GTF2E2: variants seen among roughly 807,000 people sequenced by gnomAD.
GTF2E2 encodes general transcription factor IIE subunit 2.
GTF2E2 carries 21 observed loss-of-function variants against 40.5 expected under a neutral mutation model. The ratio of observed to expected loss-of-function variants is 0.52; its 90% CI spans 0.37 to 0.75. GTF2E2 has a LOEUF of 0.75. Among genes scored for constraint, GTF2E2 ranks in the 30% least tolerant of loss-of-function variants. The pLI, the probability that GTF2E2 is intolerant of heterozygous loss-of-function variation, is 0.00. For synonymous variants in GTF2E2, 117 were observed against 121.6 expected (o/e 0.96, Z 0.25); for missense variants, 298 against 338.4 (o/e 0.88, Z 0.94).
chr8:30,623,148 TG>T (rs1470120794), intron 3 of GTF2E2, among the ~76,000 whole-genome samples: 1 of 152,082 alleles, frequency 6.6e-6, no homozygotes, highest in Non-Finnish European at 1.5e-5. Context: ...AGTATTAAAT[TG>T]GGGAACTAAT....
intron 2 of GTF2E2, among the ~76,000 whole-genome samples, chr8:30,639,667 T>C (rs1413102298): frequency 6.6e-6 from 1 of 152,220 alleles, no homozygotes; most frequent in African/African-American, 2.4e-5. Context: ...AGTTATTTAC[T>C]AGATGTTAGA....
At chr8:30,639,124 A>T (rs1252873292) in intron 2 of GTF2E2, among the ~76,000 whole-genome samples, 1 of 152,220 alleles carries the variant, frequency 6.6e-6, no homozygotes, top group Non-Finnish European at 1.5e-5. Context: ...TTTTTAGAAT[A>T]TGAGAAAATA....
At chr8:30,596,649 T>C (rs571434875) in intron 6 of GTF2E2, among the ~76,000 whole-genome samples, 29 of 152,280 alleles carry the variant, frequency 1.9e-4, no homozygotes, top group African/African-American at 6.3e-4. Flanking sequence ...AAAAGTGTCC[T>C]GTCTCAATAG....
intron 2 of GTF2E2, chr8:30,636,919 A>C: frequency 4.7e-6 from 2 of 423,832 alleles, no homozygotes; most frequent in Non-Finnish European, 9.2e-6. Context: ...CAATTATGAA[A>C]TATTACCTAC....
At chr8:30,657,110 A>C (rs796715738) in intron 1 of GTF2E2, 9 of 152,330 alleles carry the variant, frequency 5.9e-5, no homozygotes, top group African/African-American at 1.7e-4. Context: ...TCTAGAGCAG[A>C]AAGCTTCGCA....
At chr8:30,597,063 G>C (rs1163684282) in intron 6 of GTF2E2, 1 of 152,326 alleles carries the variant, frequency 6.6e-6, no homozygotes, top group Non-Finnish European at 1.5e-5. Context: ...TGTTAGCCTC[G>C]TATGGGTGGG....
chr8:30,645,166 T>G (rs1335395240), intron 2 of GTF2E2: 1 of 907,126 alleles, frequency 1.1e-6, no homozygotes, highest in African/African-American at 1.7e-5. Context: ...ATTTAGGCAT[T>G]AATTAAGGAA....
intron 5 of GTF2E2, among the ~76,000 whole-genome samples, chr8:30,609,542 T>TTA: frequency 1.3e-5 from 2 of 152,290 alleles, no homozygotes; most frequent in African/African-American, 4.8e-5. Context: ...TTAAAAAACT[T>TTA]AATACAGTTA....
chr8:30,581,038 A>C (rs1187191587), intron 6 of GTF2E2, among the ~76,000 whole-genome samples: 1 of 152,206 alleles, frequency 6.6e-6, no homozygotes, highest in African/African-American at 2.4e-5. Context: ...TTTGCAACCA[A>C]GAGAGACCAC....
At chr8:30,631,765 A>G (rs1268962778) in intron 3 of GTF2E2, among the ~76,000 whole-genome samples, 1 of 152,180 alleles carries the variant, frequency 6.6e-6, no homozygotes, top group Middle Eastern at 3.2e-3. Flanking sequence ...CTAATAGCTG[A>G]GATCAGAGAT....
At chr8:30,587,655 C>CTAAG (rs1828720661) in intron 6 of GTF2E2, among the ~76,000 whole-genome samples, 1 of 151,746 alleles carries the variant, frequency 6.6e-6, no homozygotes, top group Non-Finnish European at 1.5e-5. Flanking sequence ...TGTGGATCAC[C>CTAAG]TAAGGTCAGG....
rs530797133 is a variant in GTF2E2 at position 30,591,253 on chromosome 8, C to T, written c.644-10857G>A. Among the ~76,000 whole-genome samples the T allele has an allele frequency of 6.6e-5, 10 of 152,220 alleles. No homozygotes were observed. In the South Asian group the frequency reaches 8.3e-4, roughly 13 times the overall value. On this transcript the variant is annotated intron_variant, in intron 6 of 7. Coordinates refer to ENST00000355904, the MANE Select transcript of GTF2E2 (RefSeq NM_002095.6). ...ATAATTCCAGCACTTTGAAAGGCCA[C>T]GGCAGGAGGATTACTTGAGGCCAGG...
At chr8:30,584,392 T>C (rs1435351723) in intron 6 of GTF2E2, 1 of 152,220 alleles carries the variant, frequency 6.6e-6, no homozygotes, top group Non-Finnish European at 1.5e-5. Context: ...AGCAATCTCT[T>C]TTTTGAAAAC....
intron 6 of GTF2E2, among the ~76,000 whole-genome samples, chr8:30,587,906 CCAA>C: frequency 6.9e-6 from 1 of 145,262 alleles, no homozygotes; most frequent in African/African-American, 2.6e-5. Context: ...ACACAAATGA[CCAA>C]CAGATATATT....
intron 1 of GTF2E2, among the ~76,000 whole-genome samples, chr8:30,656,499 A>T (rs1802452947): frequency 1.3e-5 from 2 of 152,282 alleles, no homozygotes; most frequent in African/African-American, 4.8e-5. Flanking sequence ...TCTGGACTTT[A>T]AAAAAATTAC....
At chr8:30,599,157 C>G (rs1434937332) in intron 6 of GTF2E2, among the ~76,000 whole-genome samples, 1 of 152,154 alleles carries the variant, frequency 6.6e-6, no homozygotes, top group Non-Finnish European at 1.5e-5. Flanking sequence ...TTACAACAGA[C>G]ATTTGGTAAG....
intron 2 of GTF2E2, among the ~76,000 whole-genome samples, chr8:30,647,966 C>A (rs374710194): frequency 5.9e-5 from 9 of 152,114 alleles, no homozygotes; most frequent in Non-Finnish European, 1.2e-4. Flanking sequence ...CAAGGAACCA[C>A]GTCACTACAA....
At chr8:30,634,114 T>C (rs1294384500) in intron 3 of GTF2E2, among the ~76,000 whole-genome samples, 1 of 152,220 alleles carries the variant, frequency 6.6e-6, no homozygotes, top group Admixed American at 6.5e-5. Flanking sequence ...TTAGCCATCT[T>C]AGCTAAAAAT....
chr8:30,642,926 T>A (rs867980829), intron 2 of GTF2E2, among the ~76,000 whole-genome samples: 7 of 152,178 alleles, frequency 4.6e-5, no homozygotes, highest in African/African-American at 1.7e-4. Flanking sequence ...TTTAAGCAGT[T>A]CACTTATACC....
Sources: gnomAD v4.1 joint callset for allele counts (sites outside exome capture counted in the v4.1 genomes callset) on GRCh38, gnomAD v4.1.1 for gene constraint, MANE v1.5 for transcripts, NCBI Gene and HGNC (gene_info 2026-07-23, HGNC 2026-07-21) for gene names.